ERC1: variants seen among roughly 807,000 people sequenced by gnomAD.
ERC1 encodes RAB6 interacting protein 2.
A neutral mutation model predicts 132.0 loss-of-function variants in ERC1; 56 were observed. The ratio of observed to expected loss-of-function variants is 0.42; its 90% confidence interval spans 0.34 to 0.53. The LOEUF (loss-of-function observed/expected upper bound fraction) is 0.53. Among genes scored for constraint, ERC1 ranks in the 20% least tolerant of loss-of-function variants. The pLI is 0.03. For missense variants in ERC1, 1,202 were observed against 1,349.9 expected, an observed-to-expected ratio of 0.89 and a Z score of 1.72; for synonymous variants, 478 against 476.1, an observed-to-expected ratio of 1.00 and a Z score of -0.05.
chr12:1,474,011 T>A (rs2093921126), intron 18 of ERC1, among the ~76,000 whole-genome samples: 1 of 152,192 alleles, frequency 6.6e-6, no homozygotes, highest in African/African-American at 2.4e-5. Context: ...AAAATACATT[T>A]CCATTTATTC....
chr12:1,400,397 T>C (rs899090007), intron 16 of ERC1, among the ~76,000 whole-genome samples: 1 of 152,210 alleles, frequency 6.6e-6, no homozygotes, highest in African/African-American at 2.4e-5. Context: ...TGATACTGTT[T>C]ACAGCATAAA....
intron 3 of ERC1, among the ~76,000 whole-genome samples, chr12:1,098,562 C>T (rs1265297111): frequency 6.6e-6 from 1 of 152,214 alleles, no homozygotes; most frequent in Non-Finnish European, 1.5e-5. Flanking sequence ...TGGTGTTTGG[C>T]TTGAGCCACT....
intron 2 of ERC1, among the ~76,000 whole-genome samples, chr12:1,047,982 C>T (rs917568616): frequency 2.6e-5 from 4 of 152,070 alleles, no homozygotes; most frequent in Non-Finnish European, 2.9e-5. Context: ...ACTTGTAGTT[C>T]GCTTTCATCT....
chr12:1,076,130 C>G (rs991147717), intron 2 of ERC1, among the ~76,000 whole-genome samples: 1 of 152,120 alleles, frequency 6.6e-6, no homozygotes, highest in African/African-American at 2.4e-5. Context: ...TAGGTTATAA[C>G]TCTTATGTTT....
chr12:1,287,654 C>A (rs1487659676), intron 14 of ERC1, among the ~76,000 whole-genome samples: 1 of 152,148 alleles, frequency 6.6e-6, no homozygotes, highest in Non-Finnish European at 1.5e-5. Flanking sequence ...CAGACTGAAA[C>A]CCTGGCTCTT....
chr12:1,233,130 G>A (rs2075167640), intron 12 of ERC1, among the ~76,000 whole-genome samples: 1 of 152,110 alleles, frequency 6.6e-6, no homozygotes, highest in Admixed American at 6.5e-5. Context: ...AAGAGACCAG[G>A]CTGTCACTGC....
chr12:1,395,334 A>G (rs1004505260), intron 16 of ERC1, among the ~76,000 whole-genome samples: 1 of 152,264 alleles, frequency 6.6e-6, no homozygotes, highest in Admixed American at 6.5e-5. Context: ...AGAATGTACC[A>G]TAATTATATA....
intron 17 of ERC1, among the ~76,000 whole-genome samples, chr12:1,442,779 A>G (rs970706416): frequency 6.6e-6 from 1 of 152,242 alleles, no homozygotes; most frequent in African/African-American, 2.4e-5. Context: ...AGTACTGACA[A>G]TATAATGTTA....
At chr12:1,029,076 C>T (rs1300587181) in intron 2 of ERC1, among the ~76,000 whole-genome samples, 2 of 152,028 alleles carry the variant, frequency 1.3e-5, no homozygotes, top group Non-Finnish European at 2.9e-5. Context: ...TAATGTTGGC[C>T]GGGTGCAATG....
At chr12:1,410,821 T>C (rs538845764) in intron 17 of ERC1, among the ~76,000 whole-genome samples, 1 of 152,208 alleles carries the variant, frequency 6.6e-6, no homozygotes, top group East Asian at 1.9e-4. Context: ...TTATATGAAA[T>C]TGGCAATAGA....
chr12:1,295,737 A>G (rs1279659554), intron 15 of ERC1, among the ~76,000 whole-genome samples: 1 of 152,114 alleles, frequency 6.6e-6, no homozygotes, highest in African/African-American at 2.4e-5. Context: ...GAGATAGAGA[A>G]GCCTGGGAAA....
At chr12:1,119,910 A>G (rs2154214769) in intron 7 of ERC1, among the ~76,000 whole-genome samples, 1 of 152,272 alleles carries the variant, frequency 6.6e-6, no homozygotes, top group African/African-American at 2.4e-5. Context: ...GATAATGATA[A>G]TAACAACTTC....
At chr12:1,297,241 A>C (rs2080026396) in intron 15 of ERC1, among the ~76,000 whole-genome samples, 1 of 152,010 alleles carries the variant, frequency 6.6e-6, no homozygotes, top group Non-Finnish European at 1.5e-5. Flanking sequence ...GTAAGCAAAG[A>C]AAAAGATCCT....
At chr12:1,056,725 T>C (rs1440388344) in intron 2 of ERC1, among the ~76,000 whole-genome samples, 2 of 152,172 alleles carry the variant, frequency 1.3e-5, no homozygotes, top group African/African-American at 4.8e-5. Flanking sequence ...GAAGCCTCCA[T>C]GTTGAACATA....
intron 1 of ERC1, among the ~76,000 whole-genome samples, chr12:993,100 A>G (rs960894984): frequency 6.6e-6 from 1 of 152,242 alleles, no homozygotes; most frequent in African/African-American, 2.4e-5. Flanking sequence ...AACAGGACAT[A>G]ATAGGTATTA....
chr12:1,090,780 A>G lies in ERC1; in HGVS notation c.1086+7200A>G, dbSNP rs28670434. 4.5e-4 allele frequency among the ~76,000 whole-genome samples: 2 copies of G among 4,432 alleles called. 1 individual carries two copies. The highest frequency in any genetic ancestry group is 5.1e-4 in the African/African-American group (2 of 3,916). The allele number at this position is 4,432 out of a possible 152,430, so 2.9% of individuals were successfully genotyped here. On this transcript the variant is annotated intron_variant, in intron 3 of 18. Coordinates refer to ENST00000360905, the MANE Select transcript of ERC1 (RefSeq NM_178040.4). Reference sequence around the variant, plus strand: ...CTGTGCCTGGCCCATTATTATTATTATTGTTGTTGTTGAAAGTGCTGAGAT... The same window carrying G: ...CTGTGCCTGGCCCATTATTATTATTGTTGTTGTTGTTGAAAGTGCTGAGAT...
chr12:1,120,876 TGGCACTA>T (rs1165262309), intron 7 of ERC1, among the ~76,000 whole-genome samples: 2 of 152,168 alleles, frequency 1.3e-5, no homozygotes, highest in East Asian at 3.8e-4. Context: ...TAGGATGTTT[TGGCACTA>T]GGCACTAGAG....
intron 15 of ERC1, among the ~76,000 whole-genome samples, chr12:1,296,024 A>AAC (rs1555349498): frequency 2.3e-4 from 35 of 150,476 alleles, no homozygotes; most frequent in Non-Finnish European, 3.9e-4. Flanking sequence ...AAAAAAAAAA[A>AAC]AACAACTAAA....
chr12:1,398,625 G>A (rs1227653428), intron 16 of ERC1, among the ~76,000 whole-genome samples: 3 of 152,168 alleles, frequency 2.0e-5, no homozygotes, highest in Admixed American at 2.0e-4. Context: ...CCGGATTGTG[G>A]TTTCCCACTT....
Sources: allele counts gnomAD v4.1 joint callset (sites outside exome capture counted in the v4.1 genomes callset), GRCh38; gene constraint gnomAD v4.1.1; transcripts MANE v1.5; gene names NCBI Gene and HGNC (gene_info 2026-07-23, HGNC 2026-07-21).